Variants in RBFOX1 observed in about 807,000 individuals in gnomAD.
RBFOX1 encodes RNA binding fox-1 homolog 1.
RBFOX1 carries 8 observed loss-of-function variants against 57.7 expected under a neutral mutation model. The ratio of observed to expected loss-of-function variants is 0.14; its 90% CI spans 0.08 to 0.25. The LOEUF (loss-of-function observed/expected upper bound fraction) is 0.25, where lower values mean the gene tolerates loss of function less well. Ranked by LOEUF, RBFOX1 falls within the 10% of genes least tolerant of loss-of-function variation. The probability of loss-of-function intolerance (pLI) is 1.00; values close to 1 mark genes in which losing one functional copy is unlikely to be tolerated. For synonymous variants in RBFOX1, 326 were observed against 222.4 expected (o/e 1.47, Z -4.15); for missense variants, 611 against 548.5 (o/e 1.11, Z -1.14).
chr16:6,455,420 T>C (rs2153053927), intron 2 of RBFOX1, among the ~76,000 whole-genome samples: 1 of 152,314 alleles, frequency 6.6e-6, no homozygotes, highest in African/African-American at 2.4e-5. Context: ...GCATTTCCTC[T>C]ACACCCAACC....
At chr16:6,311,816 C>A (rs894400945) in intron 1 of RBFOX1, among the ~76,000 whole-genome samples, 7 of 152,178 alleles carry the variant, frequency 4.6e-5, no homozygotes, top group Non-Finnish European at 7.3e-5. Flanking sequence ...CTTCAGTGCA[C>A]TTCCTGTCTA....
chr16:6,920,420 C>T (rs908166475), intron 3 of RBFOX1, among the ~76,000 whole-genome samples: 5 of 152,290 alleles, frequency 3.3e-5, no homozygotes, highest in South Asian at 4.1e-4. Flanking sequence ...GCTTCCTCAG[C>T]TTATAAATGG....
intron 1 of RBFOX1, among the ~76,000 whole-genome samples, chr16:5,305,026 G>C (rs1448532108): frequency 6.6e-6 from 1 of 152,102 alleles, no homozygotes; most frequent in Non-Finnish European, 1.5e-5. Context: ...GCCTTTCACA[G>C]GTAGGTTTTC....
chr16:7,708,653 T>G (rs1159135654), intron 14 of RBFOX1, among the ~76,000 whole-genome samples: 7 of 152,192 alleles, frequency 4.6e-5, no homozygotes, highest in Admixed American at 6.5e-5. Context: ...TGGTGACAGC[T>G]GAATCAGGAG....
At chr16:6,350,234 C>T (rs1360902588) in intron 2 of RBFOX1, among the ~76,000 whole-genome samples, 1 of 151,612 alleles carries the variant, frequency 6.6e-6, no homozygotes, top group African/African-American at 2.4e-5. Context: ...GTCGGGAGTT[C>T]GAGACCAGCC....
chr16:7,451,932 G>A (rs1441002965), intron 4 of RBFOX1, among the ~76,000 whole-genome samples: 1 of 152,076 alleles, frequency 6.6e-6, no homozygotes, highest in South Asian at 2.1e-4. Flanking sequence ...TACCATCTGG[G>A]TATGGAATGA....
At chr16:6,766,350 T>A (rs7189191) in intron 3 of RBFOX1, among the ~76,000 whole-genome samples, 1 of 151,792 alleles carries the variant, frequency 6.6e-6, no homozygotes, top group Non-Finnish European at 1.5e-5. Flanking sequence ...AGACATAACT[T>A]TTCCTACTTG....
chr16:7,514,858 C>G (rs1201138706), intron 4 of RBFOX1, among the ~76,000 whole-genome samples: 1 of 152,204 alleles, frequency 6.6e-6, no homozygotes, highest in Non-Finnish European at 1.5e-5. Flanking sequence ...TTTTCCTGAG[C>G]TTGCTCTGCA....
At chr16:7,416,848 A>G (rs1356294027) in intron 4 of RBFOX1, among the ~76,000 whole-genome samples, 1 of 152,122 alleles carries the variant, frequency 6.6e-6, no homozygotes, top group Non-Finnish European at 1.5e-5. Context: ...CTATGCACGT[A>G]ACACATATTA....
chr16:7,322,000 G>T (rs940139332), intron 4 of RBFOX1, among the ~76,000 whole-genome samples: 2 of 152,200 alleles, frequency 1.3e-5, no homozygotes, highest in African/African-American at 4.8e-5. Flanking sequence ...TCTCTGTCTT[G>T]TCTGCAAAAC....
At chr16:7,028,143 C>G (rs775089102) in intron 3 of RBFOX1, among the ~76,000 whole-genome samples, 7 of 152,086 alleles carry the variant, frequency 4.6e-5, no homozygotes, top group Non-Finnish European at 7.3e-5. Flanking sequence ...TATTGGAAGT[C>G]AAGGTCCAAT....
chr16:7,171,808 A>C (rs894427756), intron 4 of RBFOX1, among the ~76,000 whole-genome samples: 1 of 152,162 alleles, frequency 6.6e-6, no homozygotes, highest in South Asian at 2.1e-4. Flanking sequence ...TGGCTTGGCC[A>C]TTGTCTTTTT....
At chr16:5,885,281 G>C (rs1314914920) in intron 4 of RBFOX1, among the ~76,000 whole-genome samples, 1 of 145,556 alleles carries the variant, frequency 6.9e-6, no homozygotes, top group Non-Finnish European at 1.5e-5. Context: ...ATAATACTGT[G>C]TTCTTACCCA....
intron 3 of RBFOX1, among the ~76,000 whole-genome samples, chr16:6,843,185 G>T (rs1057354489): frequency 1.3e-5 from 2 of 152,142 alleles, no homozygotes; most frequent in Non-Finnish European, 2.9e-5. Context: ...TTCTATTAGA[G>T]TGGATGTCTC....
intron 3 of RBFOX1, among the ~76,000 whole-genome samples, chr16:6,843,329 A>G (rs2093590027): frequency 1.3e-5 from 2 of 151,950 alleles, no homozygotes; most frequent in Non-Finnish European, 2.9e-5. Context: ...AATAGAGAAA[A>G]CACATATTCC....
intron 5 of RBFOX1, among the ~76,000 whole-genome samples, chr16:7,532,672 A>T (rs2080413857): frequency 6.6e-6 from 1 of 152,180 alleles, no homozygotes; most frequent in South Asian, 2.1e-4. Flanking sequence ...GGAGTTGGCA[A>T]ACTGTAGCTC....
rs74004788 is a variant in RBFOX1, at chr16:6,121,702, G to T, written c.-127+101710G>T. 9.1e-3 allele frequency among the ~76,000 whole-genome samples: 1,391 copies of T among 152,214 alleles called. 28 individuals carry two copies. Among genetic ancestry groups the T allele is most frequent in the African/African-American group, 0.031 (1,287 of 41,534 alleles). On this transcript the variant is annotated intron_variant, in intron 1 of 15. Coordinates refer to ENST00000550418, the MANE Select transcript of RBFOX1 (RefSeq NM_018723.4). ...ACAGGTGGGGAGCTCTTAAGGTCAAGGGTGTCAGGGCTAGTCTGCTTTCTA... is the reference window on the plus strand; with the variant it reads ...ACAGGTGGGGAGCTCTTAAGGTCAATGGTGTCAGGGCTAGTCTGCTTTCTA...
chr16:5,481,809 G>C (rs1037087709), intron 2 of RBFOX1, among the ~76,000 whole-genome samples: 2 of 152,300 alleles, frequency 1.3e-5, no homozygotes, highest in East Asian at 3.9e-4. Context: ...TCTGTGGCTT[G>C]TAGATGATCT....
chr16:6,595,079 A>T (rs576284283), intron 2 of RBFOX1, among the ~76,000 whole-genome samples: 1 of 152,176 alleles, frequency 6.6e-6, no homozygotes, highest in African/African-American at 2.4e-5. Flanking sequence ...GAGCCACCGC[A>T]CCTGGCCTTC....
Sources: gnomAD v4.1 joint callset for allele counts (sites outside exome capture counted in the v4.1 genomes callset) on GRCh38, gnomAD v4.1.1 for gene constraint, MANE v1.5 for transcripts, NCBI Gene and HGNC (gene_info 2026-07-23, HGNC 2026-07-21) for gene names.